Variants in BMP2K observed in about 807,000 individuals in gnomAD.
BMP2K encodes BMP2 inducible kinase.
A neutral mutation model predicts 116.0 loss-of-function variants in BMP2K; 74 were observed. The ratio of observed to expected loss-of-function variants is 0.64; its 90% CI spans 0.53 to 0.77. The LOEUF is 0.77. Among genes scored for constraint, BMP2K ranks in the 30% least tolerant of loss-of-function variants. The probability of loss-of-function intolerance (pLI) is 0.00; values close to 1 mark genes in which losing one functional copy is unlikely to be tolerated. For missense variants in BMP2K, 1,365 were observed against 1,403.6 expected, an observed-to-expected ratio of 0.97 and a Z score of 0.44; for synonymous variants, 486 against 502.5, an observed-to-expected ratio of 0.97 and a Z score of 0.44.
intron 10 of BMP2K, among the ~76,000 whole-genome samples, chr4:78,868,802 G>C (rs1172134333): frequency 6.6e-6 from 1 of 152,188 alleles, no homozygotes; most frequent in Non-Finnish European, 1.5e-5. Flanking sequence ...CTCACATCCA[G>C]GTCATGCTGA....
chr4:78,903,103 T>C (rs28665421), intron 15 of BMP2K, among the ~76,000 whole-genome samples: 10 of 152,058 alleles, frequency 6.6e-5, no homozygotes, highest in African/African-American at 2.4e-4. Context: ...AGGTATTGTA[T>C]TGTATTGTAT....
At chr4:78,795,907 A>C (rs1166553433) in intron 1 of BMP2K, among the ~76,000 whole-genome samples, 1 of 151,616 alleles carries the variant, frequency 6.6e-6, no homozygotes, top group African/African-American at 2.4e-5. Flanking sequence ...GCTGGAGAGG[A>C]TGTGGAGAAA....
rs1278071114 is a variant in BMP2K at position 78,828,420 on chromosome 4, G to A, written c.297+2265G>A. 2.6e-5 allele frequency among the ~76,000 whole-genome samples: 4 copies of A among 152,328 alleles called. No homozygotes were observed. In the East Asian group the frequency reaches 7.7e-4, roughly 29 times the overall value. On this transcript the variant is annotated intron_variant, in intron 2 of 15. Transcript: ENST00000502613. ...ATATTCAGCTATCTGGAAGCTCCCTGAACCCAGTCCTCTTGGGTTTTTATG... is the reference window on the plus strand; with the variant it reads ...ATATTCAGCTATCTGGAAGCTCCCTAAACCCAGTCCTCTTGGGTTTTTATG...
chr4:78,780,062 A>G (rs906317043), intron 1 of BMP2K, among the ~76,000 whole-genome samples: 1 of 152,172 alleles, frequency 6.6e-6, no homozygotes, highest in African/African-American at 2.4e-5. Context: ...TAACCTTCCA[A>G]GTTTTTACTA....
chr4:78,878,396 G>A (rs570775991), intron 13 of BMP2K, among the ~76,000 whole-genome samples: 9 of 152,094 alleles, frequency 5.9e-5, no homozygotes, highest in East Asian at 1.9e-4. Flanking sequence ...TTTGCTTTAC[G>A]TGTATTAAAT....
At chr4:78,809,686 GTTTTT>G (rs77902658) in intron 1 of BMP2K, among the ~76,000 whole-genome samples, 1 of 130,340 alleles carries the variant, frequency 7.7e-6, no homozygotes, top group Non-Finnish European at 1.7e-5. Flanking sequence ...GGTTTAAAGT[GTTTTT>G]TTTTTTTTTT....
intron 3 of BMP2K, among the ~76,000 whole-genome samples, chr4:78,841,342 G>A (rs1035003671): frequency 1.3e-5 from 2 of 152,006 alleles, no homozygotes; most frequent in Non-Finnish European, 2.9e-5. Flanking sequence ...ATTTCTGTGC[G>A]AATCACATAT....
intron 1 of BMP2K, among the ~76,000 whole-genome samples, chr4:78,794,453 T>C (rs115468840): frequency 0.011 from 1,609 of 152,268 alleles, 24 homozygotes; most frequent in African/African-American, 0.037. Context: ...TACAATCTAC[T>C]AGTACATTGG....
chr4:78,807,031 T>C (rs1423693153), intron 1 of BMP2K, among the ~76,000 whole-genome samples: 3 of 151,898 alleles, frequency 2.0e-5, no homozygotes, highest in Non-Finnish European at 4.4e-5. Context: ...CGTATTTTTT[T>C]AGTAGAGATG....
At chr4:78,863,910 A>G (rs1368704763) in intron 9 of BMP2K, among the ~76,000 whole-genome samples, 3 of 152,152 alleles carry the variant, frequency 2.0e-5, no homozygotes, top group African/African-American at 4.8e-5. Flanking sequence ...ACATCTCCAT[A>G]AATTCTTGAC....
intron 5 of BMP2K, 42 bp from the exon 6 acceptor site, chr4:78,847,140 TTATATA>T: frequency 3.1e-6 from 3 of 959,068 alleles, no homozygotes; most frequent in East Asian, 3.4e-5. Context: ...TGTCTTTTTT[TTATATA>T]TATATATATA....
chr4:78,865,639 C>A lies in BMP2K; in HGVS notation c.1150C>A (p.Pro384Thr). The A allele has an allele frequency of 1.2e-6, 2 of 1,614,126 alleles. No individual in the cohort carries two copies. Among genetic ancestry groups the A allele is most frequent in the Non-Finnish European group, 1.7e-6 (2 of 1,179,990 alleles). ...PKANSATTAT[P>T]SVLTIQSSAT... is the part of the protein sequence containing the mutation. ...GGCCAACTCTGCTACTACTGCCACT[C>A]CCAGTGTGCTGACCATTCAAAGTTC... The change falls in exon 10 of 16, where the codon CCC becomes ACC. Residue 384 changes from proline (P) to threonine (T), a missense_variant. This residue lies in a region of BMP2K where 762 missense variants were observed against 756.7 expected (regional missense o/e 1.01). Transcript: ENST00000502613.
intron 4 of BMP2K, among the ~76,000 whole-genome samples, chr4:78,842,758 A>G (rs965484196): frequency 2.0e-5 from 3 of 151,974 alleles, no homozygotes; most frequent in Non-Finnish European, 2.9e-5. Flanking sequence ...TCTACCCTGC[A>G]TCCCTGTTTT....
intron 1 of BMP2K, among the ~76,000 whole-genome samples, chr4:78,793,579 G>A (rs1289592852): frequency 1.3e-5 from 2 of 151,896 alleles, no homozygotes. Flanking sequence ...GAATGTAAAG[G>A]GATCCTGAGG....
chr4:78,879,973 CAT>C (rs1180383501), intron 14 of BMP2K: 4 of 152,200 alleles, frequency 2.6e-5, no homozygotes, highest in South Asian at 2.1e-4. Context: ...AAACCGATCA[CAT>C]GTTACTAAAA....
In BMP2K at chr4:78,826,154, T is replaced by C. The variant is rs759094545; in HGVS notation, c.296T>C (p.Met99Thr). 3 of 1,604,204 alleles carry C rather than the reference T, an allele frequency of 1.9e-6. No individual in the cohort carries two copies. Among genetic ancestry groups the C allele is most frequent in the Admixed American group, 1.7e-5 (1 of 59,494 alleles). Residue 99 changes from methionine (M) to threonine (T), a missense_variant and splice_region_variant, in exon 2 of 16, where the codon ATG becomes ACG. By Grantham distance (81) the Met-to-Thr change is moderately conservative. This residue lies in a region of BMP2K where 762 missense variants were observed against 756.7 expected (regional missense o/e 1.01). Transcript: ENST00000502613. ...GTTTGTAAAAGGGAAATTACAATTA[T>C]GGTAAGTGAAGGAGTAGTTCTCTTT... is the stretch of plus-strand genomic sequence containing the variant. ...LNVCKREITI[M>T]KELSGHKNIV...
In BMP2K at chr4:78,915,217, ATTG is replaced by A. The variant is rs1361565698; in HGVS notation, c.*3187_*3189del. On this transcript the variant is annotated 3_prime_UTR_variant, in exon 16 of 16. Transcript: ENST00000502613. ...CACAACTTTCAGTCTTACCCTGTTT[ATTG>A]TTTAAGAGTGATAGACTGTTGTCCT... 1 of 151,954 alleles carries A rather than the reference ATTG, an allele frequency of 6.6e-6. No individual in the cohort carries two copies. Among genetic ancestry groups the A allele is most frequent in the African/African-American group, 2.4e-5 (1 of 41,420 alleles). 9.4% of individuals were successfully genotyped at this position (151,954 alleles called of 1,614,324 possible). A position where few individuals can be genotyped will look rare whatever the true frequency, so the allele number is the denominator to read the frequency against.
intron 15 of BMP2K, among the ~76,000 whole-genome samples, chr4:78,893,105 A>G (rs1170256193): frequency 6.6e-6 from 1 of 152,230 alleles, no homozygotes; most frequent in East Asian, 1.9e-4. Flanking sequence ...AATTCCCTCA[A>G]ACCATACCAT....
chr4:78,806,446 G>A (rs1485613939), intron 1 of BMP2K, among the ~76,000 whole-genome samples: 1 of 152,136 alleles, frequency 6.6e-6, no homozygotes, highest in Admixed American at 6.6e-5. Context: ...CCAGAGCACT[G>A]GGATTACAGG....
Sources: gnomAD v4.1 joint callset for allele counts (sites outside exome capture counted in the v4.1 genomes callset) on GRCh38, gnomAD v4.1.1 for gene constraint, gnomAD v4.1.1 regional missense constraint, MANE v1.5 for transcripts, NCBI Gene and HGNC (gene_info 2026-07-23, HGNC 2026-07-21) for gene names.